Variants in EFNB2 observed in about 807,000 individuals in gnomAD.
EFNB2 encodes ephrin B2, also known as ephrin-B2.
Under a neutral mutation model 32.1 loss-of-function variants are expected in EFNB2, and 5 were observed. That is an observed-to-expected ratio of 0.16 (90% confidence interval 0.08 to 0.33). EFNB2 has a LOEUF of 0.33. Ranked by LOEUF, EFNB2 falls within the 10% of genes least tolerant of loss-of-function variation. The pLI is 1.00. For synonymous variants in EFNB2, 168 were observed against 166.5 expected (o/e 1.01, Z -0.07); for missense variants, 263 against 422.6 (o/e 0.62, Z 3.31).
chr13:106,501,164 TCA>T (rs1566456167), intron 2 of EFNB2, among the ~76,000 whole-genome samples: 1 of 152,240 alleles, frequency 6.6e-6, no homozygotes, highest in African/African-American at 2.4e-5. Flanking sequence ...GCCTTGAGTT[TCA>T]CAGTTATCTT....
At chr13:106,494,773 A>G in intron 4 of EFNB2, 108 bp downstream of exon 4, 1 of 801,778 alleles carries the variant, frequency 1.2e-6, no homozygotes. Flanking sequence ...TGTAACTTCC[A>G]GCTAATCCTA....
At chr13:106,512,393 G>GT in intron 2 of EFNB2, 136 bp downstream of exon 2, 1 of 317,748 alleles carries the variant, frequency 3.1e-6, no homozygotes, top group Non-Finnish European at 4.4e-6. Context: ...AAAAAAAAAA[G>GT]GGGGGGGGGA....
intron 2 of EFNB2, among the ~76,000 whole-genome samples, chr13:106,507,893 C>T (rs960816927): frequency 5.3e-5 from 8 of 152,186 alleles, no homozygotes; most frequent in South Asian, 4.1e-4. Flanking sequence ...AATGCAAAAG[C>T]CATATGAAGC....
rs543761445 is a variant in EFNB2 at position 106,530,812 on chromosome 13, G to C, written c.122+4031C>G. On this transcript the variant is annotated intron_variant, in intron 1 of 4. Transcript: ENST00000646441. ...CCTGGAAGATTTCAGAGGAAGGAAA[G>C]ACAGCAAGGATTTAGTTGCTCCAGT... 3.3e-5 allele frequency among the ~76,000 whole-genome samples: 5 copies of C among 152,290 alleles called. No homozygotes were observed. The East Asian group carries it at 9.7e-4, about 29-fold the overall frequency.
At chr13:106,495,681 T>C in intron 3 of EFNB2, 67 bp downstream of exon 3, 1 of 1,496,240 alleles carries the variant, frequency 6.7e-7, no homozygotes, top group Non-Finnish European at 9.2e-7. Flanking sequence ...TCGGCAACAT[T>C]AGCACCATAC....
intron 2 of EFNB2, among the ~76,000 whole-genome samples, chr13:106,504,568 A>G (rs1040948522): frequency 6.6e-6 from 1 of 152,218 alleles, no homozygotes; most frequent in African/African-American, 2.4e-5. Flanking sequence ...CTAAGAATCC[A>G]GAGCAATTTC....
intron 2 of EFNB2, among the ~76,000 whole-genome samples, chr13:106,496,465 G>A (rs77134932): frequency 0.012 from 1,784 of 152,234 alleles, 38 homozygotes; most frequent in African/African-American, 0.041. Context: ...TGTTATTACT[G>A]CCAATGTCAA....
intron 2 of EFNB2, among the ~76,000 whole-genome samples, 154 bp downstream of exon 2, chr13:106,512,375 T>C (rs1445904580): frequency 1.6e-5 from 2 of 124,324 alleles, no homozygotes; most frequent in African/African-American, 2.8e-5. Flanking sequence ...CAATGAAGTT[T>C]TCTTTGAAAA....
At chr13:106,524,830 A>G (rs759845875) in intron 1 of EFNB2, among the ~76,000 whole-genome samples, 2 of 152,250 alleles carry the variant, frequency 1.3e-5, no homozygotes, top group African/African-American at 2.4e-5. Context: ...AGGAAAGCAG[A>G]GGAGAGAGAA....
chr13:106,515,928 G>A (rs1879297765), intron 1 of EFNB2, among the ~76,000 whole-genome samples: 2 of 152,168 alleles, frequency 1.3e-5, no homozygotes, highest in African/African-American at 2.4e-5. Flanking sequence ...GAAAAGTGGA[G>A]ACCACTGATC....
intron 1 of EFNB2, among the ~76,000 whole-genome samples, chr13:106,525,823 C>A (rs988238830): frequency 6.6e-6 from 1 of 152,114 alleles, no homozygotes; most frequent in South Asian, 2.1e-4. Flanking sequence ...TTGTTAGAGC[C>A]GAGTAACAGG....
chr13:106,535,088 G>C lies in EFNB2; in HGVS notation c.-124C>G. ...ACGGCGTGCGCCCGCAGGCAGCTCC[G>C]AGGCGCGCTGCGCAGCTCCAGCGGT... On this transcript the variant is annotated 5_prime_UTR_variant, in exon 1 of 5. Coordinates refer to ENST00000646441, the MANE Select transcript of EFNB2 (RefSeq NM_004093.4). 1 of 1,373,620 alleles carries C rather than the reference G, an allele frequency of 7.3e-7. No individual in the cohort carries two copies. Among genetic ancestry groups the C allele is most frequent in the Non-Finnish European group, 9.7e-7 (1 of 1,030,178 alleles). 85.1% of individuals were successfully genotyped at this position (1,373,620 alleles called of 1,614,324 possible). A position where few individuals can be genotyped will look rare whatever the true frequency, so the allele number is the denominator to read the frequency against.
rs541982529 is a variant in EFNB2 at position 106,527,295 on chromosome 13, A to AAAT, written c.122+7545_122+7547dup. 2.7e-4 allele frequency among the ~76,000 whole-genome samples: 41 copies of AAAT among 151,804 alleles called. No homozygotes were observed. The South Asian group carries it at 4.4e-3, about 16-fold the overall frequency. On this transcript the variant is annotated intron_variant, in intron 1 of 4. Coordinates refer to ENST00000646441, the MANE Select transcript of EFNB2 (RefSeq NM_004093.4). Reference sequence around the variant, plus strand: ...ATAATAATACATAAAAACAACAATAAAATAAAAATAATAATATAAATAAAT... The same window carrying AAAT: ...ATAATAATACATAAAAACAACAATAAAATAATAAAAATAATAATATAAATAAAT...
rs1186424896 is a variant in EFNB2 at position 106,490,413 on chromosome 13, T to C, written c.*2627A>G. ...TTCAAACAAAGGGACAGTTGGTAGA[T>C]TGTCATATTCTGCACCAGACACAAA... On this transcript the variant is annotated 3_prime_UTR_variant, in exon 5 of 5. Coordinates refer to ENST00000646441, the MANE Select transcript of EFNB2 (RefSeq NM_004093.4). 1.3e-5 allele frequency: 2 copies of C among 152,174 alleles called. No homozygotes were observed. The highest frequency in any genetic ancestry group is 2.9e-5 in the Non-Finnish European group (2 of 68,022). The allele number at this position is 152,174 out of a possible 1,614,324, so 9.4% of individuals were successfully genotyped here. A position where few individuals can be genotyped will look rare whatever the true frequency, so the allele number is the denominator to read the frequency against.
chr13:106,502,870 T>G (rs987986073), intron 2 of EFNB2, among the ~76,000 whole-genome samples: 3 of 151,944 alleles, frequency 2.0e-5, no homozygotes, highest in Non-Finnish European at 4.4e-5. Flanking sequence ...CAGGTGCACA[T>G]GTGTGCGTGT....
At chr13:106,528,634 A>G (rs1303536326) in intron 1 of EFNB2, among the ~76,000 whole-genome samples, 1 of 152,216 alleles carries the variant, frequency 6.6e-6, no homozygotes, top group Non-Finnish European at 1.5e-5. Flanking sequence ...ACTTTCCTGT[A>G]ATGCCAAATA....
chr13:106,524,295 T>C (rs1293931924), intron 1 of EFNB2, among the ~76,000 whole-genome samples: 2 of 152,196 alleles, frequency 1.3e-5, no homozygotes, highest in African/African-American at 2.4e-5. Context: ...AAATGCATGC[T>C]TAATTTAGTT....
intron 2 of EFNB2, among the ~76,000 whole-genome samples, chr13:106,502,737 T>G (rs1878822768): frequency 6.6e-6 from 1 of 152,228 alleles, no homozygotes; most frequent in South Asian, 2.1e-4. Flanking sequence ...AAAAACCGTA[T>G]GAATGTCAAA....
chr13:106,528,216 C>G (rs1026760471), intron 1 of EFNB2, among the ~76,000 whole-genome samples: 4 of 152,068 alleles, frequency 2.6e-5, no homozygotes, highest in African/African-American at 9.7e-5. Flanking sequence ...CTGGATATGG[C>G]CAGCCTATAT....
Sources: gnomAD v4.1 joint callset for allele counts (sites outside exome capture counted in the v4.1 genomes callset) on GRCh38, gnomAD v4.1.1 for gene constraint, MANE v1.5 for transcripts, NCBI Gene and HGNC (gene_info 2026-07-23, HGNC 2026-07-21) for gene names.